The following HYDIN variants were observed in gnomAD, a reference collection of about 807,000 sequenced individuals.
HYDIN encodes the protein axonemal central pair apparatus protein HYDIN.
Under a neutral mutation model 403.9 loss-of-function variants are expected in HYDIN, and 132 were observed. The observed-to-expected ratio is 0.33, with a 90% CI of 0.28 to 0.38. The LOEUF is 0.38. HYDIN is among the 10% of genes least tolerant of loss of function. The pLI, the probability that HYDIN is intolerant of heterozygous loss-of-function variation, is 1.00. For synonymous variants in HYDIN, 1,202 were observed against 1,891.7 expected (o/e 0.64, Z 9.46); for missense variants, 2,827 against 5,009.5 (o/e 0.56, Z 13.15).
At chr16:70,902,819 ATAT>A (rs1337322302) in intron 52 of HYDIN, among the ~76,000 whole-genome samples, 74 of 17,204 alleles carry the variant, frequency 4.3e-3, no homozygotes, top group African/African-American at 0.014. Context: ...ATATATATAT[ATAT>A]TTTTTTTTTT....
At chr16:70,825,307 T>C (rs530811308) in intron 83 of HYDIN, among the ~76,000 whole-genome samples, 1 of 151,716 alleles carries the variant, frequency 6.6e-6, no homozygotes, top group African/African-American at 2.4e-5. Flanking sequence ...TGCTCTAATG[T>C]ATTTAGATGT....
In HYDIN at chr16:71,009,746, G is replaced by A. The variant is rs1017265904; in HGVS notation, c.3644+8383C>T. On this transcript the variant is annotated intron_variant, in intron 23 of 85. Transcript: ENST00000393567. Reference sequence around the variant, plus strand: ...GGGCCATGTTCTTCCAGAGAGGGGAGAAGGGGATGGTATGCAGTCAGCTTT... The same window carrying A: ...GGGCCATGTTCTTCCAGAGAGGGGAAAAGGGGATGGTATGCAGTCAGCTTT... 2.9e-4 allele frequency among the ~76,000 whole-genome samples: 36 copies of A among 125,826 alleles called. 1 individual carries two copies. Among genetic ancestry groups the A allele is most frequent in the Admixed American group, 5.5e-4 (7 of 12,626 alleles). The allele number at this position is 125,826 out of a possible 152,430, so 82.5% of individuals were successfully genotyped here. A position where few individuals can be genotyped will look rare whatever the true frequency, so the allele number is the denominator to read the frequency against.
chr16:71,080,214 C>G, intron 12 of HYDIN: 1 of 226,346 alleles, frequency 4.4e-6, no homozygotes, highest in South Asian at 1.3e-4. Flanking sequence ...AGGTGAGAGG[C>G]AGAGCAGATG....
intron 10 of HYDIN, among the ~76,000 whole-genome samples, chr16:71,096,435 T>A (rs1413141954): frequency 6.6e-6 from 1 of 152,270 alleles, no homozygotes; most frequent in African/African-American, 2.4e-5. Context: ...GTCATTATCT[T>A]TTCAAATATT....
chr16:70,981,358 C>T, intron 29 of HYDIN, 33 bp downstream of exon 29: 2 of 1,580,164 alleles, frequency 1.3e-6, no homozygotes, highest in Middle Eastern at 1.9e-4. Flanking sequence ...TGTTTTGTCC[C>T]CAGTGGGGAA....
At chr16:71,173,453 C>T (rs752289213) in intron 5 of HYDIN, among the ~76,000 whole-genome samples, 15 of 152,200 alleles carry the variant, frequency 9.9e-5, no homozygotes, top group Non-Finnish European at 1.6e-4. Context: ...TTATAAACTA[C>T]ATAGCAACAT....
At chr16:71,064,956 AC>A in intron 15 of HYDIN, 116 bp from the exon 16 acceptor site, 2 of 920,138 alleles carry the variant, frequency 2.2e-6, no homozygotes, top group African/African-American at 1.7e-5. Flanking sequence ...TTCTCTAATA[AC>A]CACATTAGTC....
intron 72 of HYDIN, among the ~76,000 whole-genome samples, chr16:70,855,778 C>T (rs1188880740): frequency 6.6e-6 from 1 of 152,292 alleles, no homozygotes; most frequent in Non-Finnish European, 1.5e-5. Flanking sequence ...ATTCATTTTC[C>T]CACATAAACT....
At chr16:71,049,450 G>A (rs901497517) in intron 18 of HYDIN, among the ~76,000 whole-genome samples, 3 of 152,084 alleles carry the variant, frequency 2.0e-5, no homozygotes, top group South Asian at 4.1e-4. Context: ...ATCCCCATGG[G>A]AGGAGAAGCC....
chr16:70,807,464 A>ATTTG lies in HYDIN; in HGVS notation c.*115_*116insCAAA, dbSNP rs2035158479. 2 of 1,181,974 alleles carry ATTTG rather than the reference A, an allele frequency of 1.7e-6. No homozygotes were observed. Among genetic ancestry groups the ATTTG allele is most frequent in the South Asian group, 3.0e-5 (2 of 65,670 alleles). 73.2% of individuals were successfully genotyped at this position (1,181,974 alleles called of 1,614,324 possible). A position where few individuals can be genotyped will look rare whatever the true frequency, so the allele number is the denominator to read the frequency against. On this transcript the variant is annotated 3_prime_UTR_variant, in exon 86 of 86. Transcript: ENST00000393567. Reference sequence around the variant, plus strand: ...CACATAATAGGGAAATAACTGCCCTATAATTGTATGAGAAGAATAAAAACA... The same window carrying ATTTG: ...CACATAATAGGGAAATAACTGCCCTATTTGTAATTGTATGAGAAGAATAAAAACA...
In HYDIN at chr16:71,157,546, C is replaced by T. The variant is rs1261042851; in HGVS notation, c.717-4763G>A. On this transcript the variant is annotated intron_variant, in intron 6 of 85. Transcript: ENST00000393567. ...TCAACCACATTCTTTCTCATTGAAG[C>T]CATCAGCGTTCTCAGTTGCAAACAA... 2.6e-5 allele frequency among the ~76,000 whole-genome samples: 4 copies of T among 151,586 alleles called. No individual in the cohort carries two copies. In the East Asian group the frequency reaches 7.9e-4, roughly 30 times the overall value.
At chr16:71,202,952 T>C (rs557977393) in intron 1 of HYDIN, among the ~76,000 whole-genome samples, 1 of 152,206 alleles carries the variant, frequency 6.6e-6, no homozygotes, top group South Asian at 2.1e-4. Context: ...GTCTTGGGGG[T>C]GTACATGTGA....
intron 1 of HYDIN, among the ~76,000 whole-genome samples, chr16:71,208,064 T>A (rs1355777101): frequency 6.6e-6 from 1 of 152,122 alleles, no homozygotes; most frequent in South Asian, 2.1e-4. Flanking sequence ...CTAGATCAAA[T>A]GGACCTAGTA....
rs939345039 is a variant in HYDIN at position 70,806,190 on chromosome 16, T to G, written c.*1390A>C. Among the ~76,000 whole-genome samples, 4 of 152,234 alleles carry G rather than the reference T, an allele frequency of 2.6e-5. No homozygotes were observed. The highest frequency in any genetic ancestry group is 9.6e-5 in the African/African-American group (4 of 41,458). Reference sequence around the variant, plus strand: ...ATTATTGTTAATGTCTTACTGTGCCTAATTTATAAATTAATCAAAGGTATG... The same window carrying G: ...ATTATTGTTAATGTCTTACTGTGCCGAATTTATAAATTAATCAAAGGTATG... On this transcript the variant is annotated 3_prime_UTR_variant, in exon 86 of 86. Transcript: ENST00000393567.
chr16:71,154,632 C>G (rs2085684553), intron 6 of HYDIN, among the ~76,000 whole-genome samples: 1 of 135,628 alleles, frequency 7.4e-6, no homozygotes, highest in East Asian at 2.3e-4. Flanking sequence ...ATTTTTAGAT[C>G]CCATGAATAA....
chr16:70,908,399 C>A lies in HYDIN; in HGVS notation c.8249G>T (p.Gly2750Val). Reference protein sequence around the residue: ...NHFRWIVPANGEVTLQVHFSS... With the variant: ...NHFRWIVPANVEVTLQVHFSS... Reference sequence around the variant, plus strand: ...GAAGTGCACCTGCAACGTTACCTCGCCATTGGCTGGCACGATCCACCGGAA... The same window carrying A: ...GAAGTGCACCTGCAACGTTACCTCGACATTGGCTGGCACGATCCACCGGAA... The change falls in exon 49 of 86, where the codon GGC becomes GTC. Residue 2750 changes from glycine (G) to valine (V), a missense_variant. Transcript: ENST00000393567. The A allele has an allele frequency of 7.8e-7, 1 of 1,286,682 alleles. No homozygotes were observed. 79.7% of individuals were successfully genotyped at this position (1,286,682 alleles called of 1,614,324 possible).
chr16:70,879,635 A>T lies in HYDIN; in HGVS notation c.10337T>A (p.Ile3446Asn). 1 of 1,612,248 alleles carries T rather than the reference A, an allele frequency of 6.2e-7. No homozygotes were observed. The highest frequency in any genetic ancestry group is 1.1e-5 in the South Asian group (1 of 91,004). ...CAAGCCATCCAAGGTAGCCTCAAAG[A>T]TGCACTGGTAGTTCTGCATGATCTG... ...TPQIMQNYQC[I>N]FEATLDGLPS... is the part of the protein sequence containing the mutation. The change falls in exon 61 of 86, where the codon ATC becomes AAC. Residue 3446 changes from isoleucine to asparagine, a missense_variant. Physicochemically the swap from Ile to Asn is moderately radical, Grantham distance 149. Transcript: ENST00000393567.
intron 5 of HYDIN, among the ~76,000 whole-genome samples, chr16:71,165,227 C>G (rs183110210): frequency 6.6e-6 from 1 of 151,420 alleles, no homozygotes; most frequent in Non-Finnish European, 1.5e-5. Flanking sequence ...CATCGTTTCT[C>G]TGGCCACATC....
At chr16:70,996,173 C>T (rs1213777699) in intron 23 of HYDIN, among the ~76,000 whole-genome samples, 1 of 152,100 alleles carries the variant, frequency 6.6e-6, no homozygotes. Flanking sequence ...GAAATCACAT[C>T]TTCCCCTAGT....
Sources: gnomAD v4.1 joint callset for allele counts (sites outside exome capture counted in the v4.1 genomes callset) on GRCh38, gnomAD v4.1.1 for gene constraint, MANE v1.5 for transcripts, NCBI Gene and HGNC (gene_info 2026-07-23, HGNC 2026-07-21) for gene names.